The following FLNB variants were observed in gnomAD, a reference collection of about 807,000 sequenced individuals.
FLNB encodes the protein filamin B, also known as filamin-B.
Under a neutral mutation model 250.6 loss-of-function variants are expected in FLNB, and 111 were observed. That is an observed-to-expected ratio of 0.44 (90% CI 0.38 to 0.52). FLNB has a LOEUF of 0.52. Ranked by LOEUF, FLNB falls within the 20% of genes least tolerant of loss-of-function variation. The probability of loss-of-function intolerance (pLI) is 0.00; values close to 1 mark genes in which losing one functional copy is unlikely to be tolerated. For synonymous variants in FLNB, 1,302 were observed against 1,372.1 expected, an observed-to-expected ratio of 0.95 and a Z score of 1.13; for missense variants, 2,869 against 3,447.8, an observed-to-expected ratio of 0.83 and a Z score of 4.20.
chr3:58,083,510 G>GCATC (rs201733255), intron 4 of FLNB, among the ~76,000 whole-genome samples: 3,994 of 151,938 alleles, frequency 0.026, 175 homozygotes, highest in African/African-American at 0.09. Flanking sequence ...GGGATTACAG[G>GCATC]CATCCACCAC....
In FLNB at chr3:58,123,700, A is replaced by G; in HGVS notation, c.3724+10A>G. The stretch of plus-strand genomic sequence containing the variant: ...GGAATAGAAGGGAAAGGTGGGTTTC[A>G]TTTAAAAAAAAAAAAAAAAAAAAAA... On this transcript the variant is annotated intron_variant, in intron 21 of 45. Coordinates refer to ENST00000295956, the MANE Select transcript of FLNB (RefSeq NM_001457.4). 7.2e-7 allele frequency: 1 copy of G among 1,381,648 alleles called. No individual in the cohort carries two copies. Among genetic ancestry groups the G allele is most frequent in the Non-Finnish European group, 9.7e-7 (1 of 1,032,558 alleles). The allele number at this position is 1,381,648 out of a possible 1,614,324, so 85.6% of individuals were successfully genotyped here. A position where few individuals can be genotyped will look rare whatever the true frequency, so the allele number is the denominator to read the frequency against.
At chr3:58,024,388 G>A (rs1041492054) in intron 1 of FLNB, among the ~76,000 whole-genome samples, 3 of 152,154 alleles carry the variant, frequency 2.0e-5, no homozygotes, top group Non-Finnish European at 4.4e-5. Context: ...GGTGGTGGGG[G>A]CTGGGGTAAG....
intron 26 of FLNB, among the ~76,000 whole-genome samples, chr3:58,133,437 G>GAAAAAAAAAA (rs55916881): frequency 1.5e-5 from 1 of 67,604 alleles, no homozygotes; most frequent in Admixed American, 1.5e-4. Flanking sequence ...GACATCTCTG[G>GAAAAAAAAAA]AAAAAAAAAA....
chr3:58,027,491 AG>A (rs1244969682), intron 1 of FLNB, among the ~76,000 whole-genome samples: 6 of 152,036 alleles, frequency 3.9e-5, no homozygotes, highest in African/African-American at 1.4e-4. Context: ...CATGTTGGCC[AG>A]GCTGGCTTTG....
chr3:58,165,474 T>G (rs939473867), intron 43 of FLNB: 2 of 152,258 alleles, frequency 1.3e-5, no homozygotes, highest in African/African-American at 4.8e-5. Flanking sequence ...ATTCTGAGAT[T>G]ACACAGCTGC....
Position 58,145,931 on chromosome 3 carries a change from C to G in FLNB, c.5436C>G (p.Leu1812=), listed in dbSNP as rs758701760. The part of the protein sequence containing the change: ...YMGSHIPESP[L]QFYVNYPNSG... Reference sequence around the variant, plus strand: ...CCTTCGTAAACCCAGAGAGCCCACTCCAGTTCTACGTGAACTACCCCAACA... The same window carrying G: ...CCTTCGTAAACCCAGAGAGCCCACTGCAGTTCTACGTGAACTACCCCAACA... Residue 1812 remains leucine (L), a synonymous_variant, in exon 33 of 46, where the codon CTC becomes CTG. Coordinates refer to ENST00000295956, the MANE Select transcript of FLNB (RefSeq NM_001457.4). 9.3e-6 allele frequency: 15 copies of G among 1,614,094 alleles called. No homozygotes were observed. Among genetic ancestry groups the G allele is most frequent in the Non-Finnish European group, 1.0e-5 (12 of 1,180,048 alleles).
rs1017420732 is a variant in FLNB at position 58,148,192 on chromosome 3, G to C, written c.5729-14G>C. ...CACATGTAACGGGAGTCCTTTTTGGGGGATGTTTCCCAGATGACAGCAGGC... is the reference window on the plus strand; with the variant it reads ...CACATGTAACGGGAGTCCTTTTTGGCGGATGTTTCCCAGATGACAGCAGGC... On this transcript the variant is annotated splice_polypyrimidine_tract_variant and intron_variant, in intron 34 of 45. Transcript: ENST00000295956. 2 of 1,614,174 alleles carry C rather than the reference G, an allele frequency of 1.2e-6. No individual in the cohort carries two copies. The highest frequency in any genetic ancestry group is 1.7e-6 in the Non-Finnish European group (2 of 1,180,018).
intron 3 of FLNB, 69 bp downstream of exon 3, chr3:58,078,883 C>A: frequency 8.3e-7 from 1 of 1,203,686 alleles, no homozygotes; most frequent in East Asian, 2.5e-5. Flanking sequence ...GATGCCTTCC[C>A]GGGTCAGGCA....
intron 39 of FLNB, 129 bp from the exon 40 acceptor site, chr3:58,154,662 C>A: frequency 2.1e-6 from 2 of 972,496 alleles, no homozygotes; most frequent in Non-Finnish European, 3.2e-6. Flanking sequence ...TTGGGTTCTG[C>A]TTGGGGTTGG....
In FLNB at chr3:58,109,180, A is replaced by C. The variant is rs1023245486; in HGVS notation, c.2057A>C (p.Asp686Ala). Residue 686 changes from aspartate to alanine, a missense_variant and splice_region_variant, in exon 14 of 46, where the codon GAT becomes GCT. By Grantham distance (126) the Asp-to-Ala change is moderately radical. Coordinates refer to ENST00000295956, the MANE Select transcript of FLNB (RefSeq NM_001457.4). ...GTCCTAGCTCTGGCTTTTTTGCAGG[A>C]TGGGGAAGGCCAACGCATTGACATC... ...GKAPLKIFAQ[D>A]GEGQRIDIQM... 6.2e-7 allele frequency: 1 copy of C among 1,614,154 alleles called. No individual in the cohort carries two copies. The highest frequency in any genetic ancestry group is 8.5e-7 in the Non-Finnish European group (1 of 1,180,012).
In FLNB at chr3:58,142,074, G is replaced by A; in HGVS notation, c.5181+145G>A. The A allele has an allele frequency of 1.3e-6, 1 of 742,066 alleles. No homozygotes were observed. Among genetic ancestry groups the A allele is most frequent in the Non-Finnish European group, 2.4e-6 (1 of 408,508 alleles). 46.0% of individuals were successfully genotyped at this position (742,066 alleles called of 1,614,324 possible). A position where few individuals can be genotyped will look rare whatever the true frequency, so the allele number is the denominator to read the frequency against. On this transcript the variant is annotated intron_variant, in intron 30 of 45. Transcript: ENST00000295956. The surrounding 1 kb of genome is among the most constrained non-coding windows in gnomAD (Gnocchi z 4.3). ...CCCTCACTGATCAGCCCATCACGAT[G>A]ATCCCTGCTTTTTCTGTAATAAGAT...
intron 19 of FLNB, 38 bp from the exon 20 acceptor site, chr3:58,121,202 AG>A: frequency 6.2e-7 from 1 of 1,614,000 alleles, no homozygotes; most frequent in South Asian, 1.1e-5. Flanking sequence ...GCTGCTGAAA[AG>A]GGTCAGCTCT....
At chr3:58,103,265 GGTGTGTGTGTGT>G (rs10571409) in intron 9 of FLNB, among the ~76,000 whole-genome samples, 49 of 148,174 alleles carry the variant, frequency 3.3e-4, no homozygotes, top group African/African-American at 1.2e-3. Context: ...AGCCAAGGAG[GGTGTGTGTGTGT>G]GTGTGTGTGT....
At chr3:58,043,150 T>TC (rs1261675764) in intron 1 of FLNB, among the ~76,000 whole-genome samples, 1 of 147,590 alleles carries the variant, frequency 6.8e-6, no homozygotes, top group East Asian at 2.0e-4. Context: ...CCTTTTTTTT[T>TC]TTTTTTTTTT....
At position 58,164,178 on chromosome 3, in the gene FLNB, C is replaced by G. The variant is rs1377091846; in HGVS notation, c.7198+848C>G. 1.3e-5 allele frequency: 2 copies of G among 152,270 alleles called. No individual in the cohort carries two copies. Among genetic ancestry groups the G allele is most frequent in the Admixed American group, 1.3e-4 (2 of 15,288 alleles). 9.4% of individuals were successfully genotyped at this position (152,270 alleles called of 1,614,324 possible). Reference sequence around the variant, plus strand: ...ATAGCTTGTGTTTTTGCTTTGACATCTTAAAGATCTTTCCATGTCAGAACA... The same window carrying G: ...ATAGCTTGTGTTTTTGCTTTGACATGTTAAAGATCTTTCCATGTCAGAACA... On this transcript the variant is annotated intron_variant, in intron 43 of 45. Transcript: ENST00000295956. This position sits in a 1 kb window ranked among gnomAD's most constrained non-coding sequence, Gnocchi z 4.0.
intron 29 of FLNB, 80 bp downstream of exon 29, chr3:58,138,609 A>C (rs960994682): frequency 8.9e-6 from 14 of 1,568,412 alleles, no homozygotes; most frequent in Middle Eastern, 1.7e-4. Context: ...CCTGACTAGG[A>C]TATCCTCTTC....
intron 19 of FLNB, among the ~76,000 whole-genome samples, chr3:58,119,472 C>A (rs750719691): frequency 1.3e-5 from 2 of 152,208 alleles, no homozygotes; most frequent in East Asian, 1.9e-4. Context: ...TACCACCACA[C>A]CTCTGCCCCA....
In FLNB at chr3:58,171,701, A is replaced by T. The variant is rs892499037; in HGVS notation, c.*939A>T. 2 of 152,394 alleles carry T rather than the reference A, an allele frequency of 1.3e-5. No individual in the cohort carries two copies. Among genetic ancestry groups the T allele is most frequent in the African/African-American group, 4.8e-5 (2 of 41,444 alleles). 9.4% of individuals were successfully genotyped at this position (152,394 alleles called of 1,614,324 possible). On this transcript the variant is annotated 3_prime_UTR_variant, in exon 46 of 46. Transcript: ENST00000295956. This position sits in a 1 kb window ranked among gnomAD's most constrained non-coding sequence, Gnocchi z 5.5. ...CATCCCAAGGTCCGTCCCATGACAT[A>T]ACACTCCACACCCGCCCCAGCCAAC...
chr3:58,016,255 A>C (rs1351325383), intron 1 of FLNB, among the ~76,000 whole-genome samples: 1 of 151,932 alleles, frequency 6.6e-6, no homozygotes, highest in Non-Finnish European at 1.5e-5. Context: ...GTGTTTCACC[A>C]TGTTGGTCAG....
Sources: allele counts gnomAD v4.1 joint callset (sites outside exome capture counted in the v4.1 genomes callset), GRCh38; gene constraint gnomAD v4.1.1; non-coding constraint Gnocchi (gnomAD v3.1); transcripts MANE v1.5; gene names NCBI Gene and HGNC (gene_info 2026-07-23, HGNC 2026-07-21).